MACROD2: variants seen among roughly 807,000 people sequenced by gnomAD.
MACROD2 encodes ADP-ribose glycohydrolase MACROD2.
A neutral mutation model predicts 70.4 loss-of-function variants in MACROD2; 36 were observed. The observed-to-expected ratio is 0.51, with a 90% CI of 0.39 to 0.68. MACROD2 has a LOEUF of 0.68. Ranked by LOEUF, MACROD2 falls within the 30% of genes least tolerant of loss-of-function variation. The pLI, the probability that MACROD2 is intolerant of heterozygous loss-of-function variation, is 0.00. For synonymous variants in MACROD2, 172 were observed against 178.8 expected, an observed-to-expected ratio of 0.96 and a Z score of 0.30; for missense variants, 496 against 538.4, an observed-to-expected ratio of 0.92 and a Z score of 0.78.
intron 5 of MACROD2, among the ~76,000 whole-genome samples, chr20:14,858,101 G>A (rs901958489): frequency 2.0e-5 from 3 of 152,168 alleles, no homozygotes; most frequent in South Asian, 2.1e-4. Flanking sequence ...GATTACAGGC[G>A]TGAGCCACAG....
At chr20:14,859,265 C>G (rs1448510329) in intron 5 of MACROD2, among the ~76,000 whole-genome samples, 1 of 151,982 alleles carries the variant, frequency 6.6e-6, no homozygotes, top group East Asian at 1.9e-4. Flanking sequence ...CACTGCCAAG[C>G]AAATAGAAAG....
intron 3 of MACROD2, among the ~76,000 whole-genome samples, chr20:14,317,616 C>CAA (rs57339002): frequency 3.5e-5 from 4 of 112,732 alleles, no homozygotes; most frequent in Admixed American, 1.9e-4. Flanking sequence ...GAGACTGTCT[C>CAA]AAAAAAAAAA....
intron 3 of MACROD2, among the ~76,000 whole-genome samples, chr20:14,387,644 A>G (rs1284200079): frequency 1.3e-5 from 2 of 152,202 alleles, no homozygotes; most frequent in African/African-American, 2.4e-5. Flanking sequence ...CAACGTCCTT[A>G]TTGTCCACTC....
At chr20:15,703,776 C>T (rs540524979) in intron 8 of MACROD2, among the ~76,000 whole-genome samples, 5 of 152,270 alleles carry the variant, frequency 3.3e-5, no homozygotes, top group South Asian at 4.1e-4. Context: ...GTGAATGCAC[C>T]GTTGAGCTGG....
At chr20:15,186,972 C>T (rs1034243863) in intron 5 of MACROD2, among the ~76,000 whole-genome samples, 3 of 152,134 alleles carry the variant, frequency 2.0e-5, no homozygotes, top group African/African-American at 7.2e-5. Flanking sequence ...TTTTAAGAAG[C>T]ATATTTTAGT....
intron 1 of MACROD2, among the ~76,000 whole-genome samples, chr20:14,000,414 A>C (rs1430487482): frequency 1.3e-5 from 2 of 152,142 alleles, no homozygotes; most frequent in East Asian, 3.9e-4. Flanking sequence ...GCTTACATTA[A>C]TACTTCTGTA....
intron 3 of MACROD2, among the ~76,000 whole-genome samples, chr20:14,087,826 G>A (rs2054097670): frequency 6.6e-6 from 1 of 151,772 alleles, no homozygotes; most frequent in Non-Finnish European, 1.5e-5. Context: ...AAATATATGA[G>A]CTTTAATTTT....
In MACROD2 at chr20:15,722,652, T is replaced by C. The variant is rs904179999; in HGVS notation, c.646-140093T>C. Among the ~76,000 whole-genome samples the C allele has an allele frequency of 1.3e-4, 20 of 152,132 alleles. 1 individual carries two copies. Among genetic ancestry groups the C allele is most frequent in the Middle Eastern group, 3.4e-3 (1 of 294 alleles). ...TTGCCAGGTATATGTGTTATAAATATATTTTCCATTTCAGTGGCTTATCTT... is the reference window on the plus strand; with the variant it reads ...TTGCCAGGTATATGTGTTATAAATACATTTTCCATTTCAGTGGCTTATCTT... On this transcript the variant is annotated intron_variant, in intron 8 of 17. Coordinates refer to ENST00000684519, the MANE Select transcript of MACROD2 (RefSeq NM_001351661.2).
intron 6 of MACROD2, among the ~76,000 whole-genome samples, chr20:15,242,825 G>A (rs999202944): frequency 3.3e-5 from 5 of 152,120 alleles, no homozygotes; most frequent in African/African-American, 4.8e-5. Context: ...TTTTCAGGTT[G>A]TCTTTCTCAG....
chr20:14,616,133 T>A (rs6135208), intron 4 of MACROD2, among the ~76,000 whole-genome samples: 17,311 of 152,156 alleles, frequency 0.11, 1,401 homozygotes, highest in South Asian at 0.33. Flanking sequence ...TGTATTACTA[T>A]CTGGGACTTT....
chr20:15,713,129 C>T (rs748019761), intron 8 of MACROD2, among the ~76,000 whole-genome samples: 11 of 152,146 alleles, frequency 7.2e-5, no homozygotes, highest in Non-Finnish European at 1.2e-4. Context: ...CACAGAAAGC[C>T]GTTCAGGCTG....
intron 5 of MACROD2, among the ~76,000 whole-genome samples, chr20:15,000,361 C>T (rs893778181): frequency 7.6e-6 from 1 of 130,730 alleles, no homozygotes; most frequent in Admixed American, 7.6e-5. Flanking sequence ...CGGTGGCTCA[C>T]GCCTGTAGTC....
intron 6 of MACROD2, among the ~76,000 whole-genome samples, chr20:15,390,557 A>G (rs1243316431): frequency 6.6e-6 from 1 of 152,148 alleles, no homozygotes; most frequent in East Asian, 1.9e-4. Context: ...ATAGATGCAG[A>G]ATGGAAGTAG....
intron 5 of MACROD2, among the ~76,000 whole-genome samples, chr20:14,759,589 A>G (rs1311995415): frequency 6.6e-6 from 1 of 152,158 alleles, no homozygotes; most frequent in Non-Finnish European, 1.5e-5. Flanking sequence ...TGTTTTGCCC[A>G]TAGTATATAA....
At chr20:15,938,073 TAAA>T (rs61315679) in intron 12 of MACROD2, among the ~76,000 whole-genome samples, 6 of 134,484 alleles carry the variant, frequency 4.5e-5, no homozygotes, top group African/African-American at 1.3e-4. Context: ...CCAGAAAAAG[TAAA>T]AAAAAAAAAA....
At position 14,187,747 on chromosome 20, in the gene MACROD2, T is replaced by C. The variant is rs376400540; in HGVS notation, c.271+102019T>C. ...GACCAATTAGTCTTAGCCAAAGTAG[T>C]ATCTCTGTACTACTGGTTCCTTATT... On this transcript the variant is annotated intron_variant, in intron 3 of 17. Transcript: ENST00000684519. Among the ~76,000 whole-genome samples, 11 of 152,324 alleles carry C rather than the reference T, an allele frequency of 7.2e-5. No individual in the cohort carries two copies. The East Asian group carries it at 1.4e-3, about 19-fold the overall frequency.
At chr20:15,130,934 A>T (rs1381018618) in intron 5 of MACROD2, among the ~76,000 whole-genome samples, 1 of 152,138 alleles carries the variant, frequency 6.6e-6, no homozygotes, top group Non-Finnish European at 1.5e-5. Flanking sequence ...AAAGTGAAGC[A>T]GACCTTGGCA....
intron 8 of MACROD2, among the ~76,000 whole-genome samples, chr20:15,543,157 A>C (rs977330230): frequency 6.6e-6 from 1 of 152,220 alleles, no homozygotes; most frequent in African/African-American, 2.4e-5. Flanking sequence ...TTGGAGTTTT[A>C]GAATGATGAT....
At chr20:14,281,662 C>T (rs114349508) in intron 3 of MACROD2, among the ~76,000 whole-genome samples, 1,551 of 152,048 alleles carry the variant, frequency 0.01, 19 homozygotes, top group African/African-American at 0.026. Context: ...AGCAGCCAGG[C>T]GCAGTGGCTT....
Sources: gnomAD v4.1 joint callset for allele counts (sites outside exome capture counted in the v4.1 genomes callset) on GRCh38, gnomAD v4.1.1 for gene constraint, MANE v1.5 for transcripts, NCBI Gene and HGNC (gene_info 2026-07-23, HGNC 2026-07-21) for gene names.